Variants in CADPS2 observed in about 807,000 individuals in gnomAD.
CADPS2 encodes the protein calcium-dependent secretion activator 2.
CADPS2 carries 93 observed loss-of-function variants against 172.5 expected under a neutral mutation model. That is an observed-to-expected ratio of 0.54 (90% CI 0.46 to 0.64). The LOEUF is 0.64. CADPS2 is among the 30% of genes least tolerant of loss of function. CADPS2 has a pLI of 0.00. For synonymous variants in CADPS2, 546 were observed against 555.2 expected (o/e 0.98, Z 0.23); for missense variants, 1,420 against 1,565.9 (o/e 0.91, Z 1.57).
intron 8 of CADPS2, among the ~76,000 whole-genome samples, chr7:122,548,483 T>C (rs529721137): frequency 6.6e-6 from 1 of 152,260 alleles, no homozygotes; most frequent in East Asian, 1.9e-4. Context: ...TATGTAAATC[T>C]AATGAGATCA....
At chr7:122,856,189 T>C (rs1815149593) in intron 1 of CADPS2, among the ~76,000 whole-genome samples, 1 of 152,224 alleles carries the variant, frequency 6.6e-6, no homozygotes, top group Non-Finnish European at 1.5e-5. Context: ...CCCTGTGTTC[T>C]TGTGAAGTAA....
rs1270124127 is a variant in CADPS2, at chr7:122,645,486, GCGTA to G, written c.787-16162_787-16159del. On this transcript the variant is annotated intron_variant, in intron 3 of 29. Transcript: ENST00000449022. ...ATGTGTATATATGTATATATATTTA[GCGTA>G]TATATATATAAGTATATATATACTT... Among the ~76,000 whole-genome samples, 100 of 86,570 alleles carry G rather than the reference GCGTA, an allele frequency of 1.2e-3. 3 individuals are homozygous for G. Among genetic ancestry groups the G allele is most frequent in the Non-Finnish European group, 1.3e-3 (61 of 45,374 alleles). The allele number at this position is 86,570 out of a possible 152,430, so 56.8% of individuals were successfully genotyped here.
At chr7:122,521,667 C>A (rs928450659) in intron 8 of CADPS2, among the ~76,000 whole-genome samples, 1 of 152,016 alleles carries the variant, frequency 6.6e-6, no homozygotes, top group African/African-American at 2.4e-5. Flanking sequence ...AACAAAATTA[C>A]ATAACATTTG....
chr7:122,392,217 A>G (rs2044457975), intron 22 of CADPS2, among the ~76,000 whole-genome samples: 1 of 152,098 alleles, frequency 6.6e-6, no homozygotes, highest in Non-Finnish European at 1.5e-5. Context: ...GATTGCTGTG[A>G]GGCTCATAGT....
chr7:122,400,873 G>C (rs2045865862), intron 20 of CADPS2, among the ~76,000 whole-genome samples: 1 of 152,190 alleles, frequency 6.6e-6, no homozygotes, highest in Admixed American at 6.5e-5. Flanking sequence ...TTCAAAGCTT[G>C]AAGATTAACC....
intron 2 of CADPS2, among the ~76,000 whole-genome samples, chr7:122,665,538 T>G (rs905354773): frequency 1.3e-5 from 2 of 152,196 alleles, no homozygotes; most frequent in African/African-American, 4.8e-5. Context: ...CTAACTTACC[T>G]GAAACATGCT....
At chr7:122,478,574 G>A (rs912619502) in intron 12 of CADPS2, among the ~76,000 whole-genome samples, 34 of 152,170 alleles carry the variant, frequency 2.2e-4, no homozygotes, top group South Asian at 1.0e-3. Context: ...GAGGCTTTAT[G>A]TAAGTCAAGC....
chr7:122,527,617 A>AGAGAGAGAGAGAGTGTGTGTGTGTGT, intron 8 of CADPS2, among the ~76,000 whole-genome samples: 9 of 83,886 alleles, frequency 1.1e-4, no homozygotes, highest in Non-Finnish European at 2.1e-4. Flanking sequence ...AGAGAGAGAG[A>AGAGAGAGAGAGAGTGTGTGTGTGTGT]GTGTGTGTGT....
At chr7:122,486,539 T>C (rs1055870029) in intron 11 of CADPS2, among the ~76,000 whole-genome samples, 1 of 152,192 alleles carries the variant, frequency 6.6e-6, no homozygotes, top group Non-Finnish European at 1.5e-5. Context: ...GTTGGTTCCT[T>C]TGGGTGAAGC....
chr7:122,705,495 C>CTATATTATATATTATATATATT lies in CADPS2; in HGVS notation c.453+31459_453+31460insAATATATATAATATATAATATA, dbSNP rs1430948403. On this transcript the variant is annotated intron_variant, in intron 2 of 29. Coordinates refer to ENST00000449022, the MANE Select transcript of CADPS2 (RefSeq NM_017954.11). ...TATATATATTTATATTATATATTAT[C>CTATATTATATATTATATATATT]TATATTATATATTATCTATATTTAT... is the stretch of plus-strand genomic sequence containing the variant. Among the ~76,000 whole-genome samples, 4 of 112,656 alleles carry CTATATTATATATTATATATATT rather than the reference C, an allele frequency of 3.6e-5. 1 individual carries two copies. Among genetic ancestry groups the CTATATTATATATTATATATATT allele is most frequent in the East Asian group, 5.0e-4 (2 of 4,022 alleles). 73.9% of individuals were successfully genotyped at this position (112,656 alleles called of 152,430 possible). A position where few individuals can be genotyped will look rare whatever the true frequency, so the allele number is the denominator to read the frequency against.
intron 2 of CADPS2, among the ~76,000 whole-genome samples, chr7:122,694,810 C>T (rs2084858964): frequency 6.6e-6 from 1 of 152,038 alleles, no homozygotes; most frequent in African/African-American, 2.4e-5. Flanking sequence ...TTTTAAAATA[C>T]AAAAACAGGT....
intron 5 of CADPS2, among the ~76,000 whole-genome samples, chr7:122,615,949 G>T: frequency 6.6e-6 from 1 of 151,928 alleles, no homozygotes; most frequent in East Asian, 1.9e-4. Flanking sequence ...TCAGTACACT[G>T]GAAAAGGGTG....
intron 2 of CADPS2, among the ~76,000 whole-genome samples, chr7:122,681,872 C>G (rs879651549): frequency 9.9e-5 from 15 of 151,816 alleles, no homozygotes; most frequent in Admixed American, 2.6e-4. Context: ...TGAGATGAGT[C>G]TAGACCCAAA....
chr7:122,381,594 G>A (rs1468617137), intron 24 of CADPS2, among the ~76,000 whole-genome samples: 1 of 152,066 alleles, frequency 6.6e-6, no homozygotes, highest in Non-Finnish European at 1.5e-5. Flanking sequence ...ATCAAGGGAC[G>A]AGCCACAAAA....
intron 3 of CADPS2, among the ~76,000 whole-genome samples, chr7:122,642,462 T>G (rs2077767959): frequency 6.6e-6 from 1 of 151,740 alleles, no homozygotes; most frequent in Non-Finnish European, 1.5e-5. Context: ...TAGGGAGAAC[T>G]GGAAGCCTGT....
intron 17 of CADPS2, among the ~76,000 whole-genome samples, chr7:122,418,135 G>A (rs867381529): frequency 2.7e-5 from 4 of 149,958 alleles, no homozygotes; most frequent in Non-Finnish European, 4.4e-5. Flanking sequence ...ACACCATTGC[G>A]CTCCAGCCTG....
At chr7:122,506,246 A>G (rs1164666523) in intron 9 of CADPS2, among the ~76,000 whole-genome samples, 1 of 152,142 alleles carries the variant, frequency 6.6e-6, no homozygotes, top group Non-Finnish European at 1.5e-5. Context: ...AGCTTATATA[A>G]TTTACTAAAT....
At chr7:122,496,157 C>CTTTA (rs746822173) in intron 9 of CADPS2, among the ~76,000 whole-genome samples, 113 of 151,878 alleles carry the variant, frequency 7.4e-4, no homozygotes, top group Middle Eastern at 3.4e-3. Context: ...ATATTTATCT[C>CTTTA]TTTATTTATT....
chr7:122,509,759 C>T (rs139601538), intron 9 of CADPS2, among the ~76,000 whole-genome samples: 41 of 152,200 alleles, frequency 2.7e-4, no homozygotes, highest in Non-Finnish European at 5.1e-4. Flanking sequence ...TTCCATAACC[C>T]CTCTGTATTA....
Sources: gnomAD v4.1 joint callset for allele counts (sites outside exome capture counted in the v4.1 genomes callset) on GRCh38, gnomAD v4.1.1 for gene constraint, MANE v1.5 for transcripts, NCBI Gene and HGNC (gene_info 2026-07-23, HGNC 2026-07-21) for gene names.